Variants in EDC4 observed in about 807,000 individuals in gnomAD.
EDC4 encodes enhancer of mRNA decapping 4, also known as enhancer of mRNA-decapping protein 4.
EDC4 carries 64 observed loss-of-function variants against 155.8 expected under a neutral mutation model. The ratio of observed to expected loss-of-function variants is 0.41; its 90% confidence interval spans 0.34 to 0.51. The LOEUF is 0.51. Ranked by LOEUF, EDC4 falls within the 20% of genes least tolerant of loss-of-function variation. The probability of loss-of-function intolerance (pLI) is 0.19; values close to 1 mark genes in which losing one functional copy is unlikely to be tolerated. For missense variants in EDC4, 1,303 were observed against 1,812.5 expected (o/e 0.72, Z 5.10); for synonymous variants, 684 against 716.8 (o/e 0.95, Z 0.73).
At position 67,883,036 on chromosome 16, in the gene EDC4, C is replaced by T. The variant is rs144428519; in HGVS notation, c.3708C>T (p.Ala1236=). 739 of 1,613,764 alleles carry T rather than the reference C, an allele frequency of 4.6e-4. No individual in the cohort carries two copies. Among genetic ancestry groups the T allele is most frequent in the Middle Eastern group, 1.6e-3 (10 of 6,084 alleles). Residue 1236 remains alanine, a synonymous_variant, in exon 27 of 29, where the codon GCC becomes GCT. Transcript: ENST00000358933. This position sits in a 1 kb window ranked among gnomAD's most constrained non-coding sequence, Gnocchi z 5.3. ...EVSVALKEQQ[A]AVTSSIMQAM... ...GTGTGGCGCTCAAGGAGCAGCAGGC[C>T]GCCGTCACCTCCAGCATCATGCAGG...
rs371369902 is a variant in EDC4 at position 67,881,149 on chromosome 16, C to G, written c.2605C>G (p.Arg869Gly). The G allele has an allele frequency of 6.2e-7, 1 of 1,613,994 alleles. No homozygotes were observed. The highest frequency in any genetic ancestry group is 8.5e-7 in the Non-Finnish European group (1 of 1,180,032). ...HRPPYHLLQQ[R>G]DSQDASAEQS... is the part of the protein sequence containing the mutation. Reference sequence around the variant, plus strand: ...ACCACCATATCACCTGCTGCAGCAACGTGACAGCCAGGATGCCAGTGCTGA... The same window carrying G: ...ACCACCATATCACCTGCTGCAGCAAGGTGACAGCCAGGATGCCAGTGCTGA... Residue 869 changes from arginine to glycine, a missense_variant, in exon 19 of 29, where the codon CGT becomes GGT. Physicochemically the swap from Arg to Gly is moderately radical, Grantham distance 125. Coordinates refer to ENST00000358933, the MANE Select transcript of EDC4 (RefSeq NM_014329.5). This position sits in a 1 kb window ranked among gnomAD's most constrained non-coding sequence, Gnocchi z 5.4.
rs2058076612 is a variant in EDC4, at chr16:67,883,038, C to T, written c.3710C>T (p.Ala1237Val). 6.2e-7 allele frequency: 1 copy of T among 1,613,856 alleles called. No homozygotes were observed. The highest frequency in any genetic ancestry group is 8.5e-7 in the Non-Finnish European group (1 of 1,180,024). The change falls in exon 27 of 29, where the codon GCC becomes GTC. Residue 1237 changes from alanine to valine, a missense_variant. By Grantham distance (64) the Ala-to-Val change is moderately conservative (BLOSUM62 0). This residue lies in a region of EDC4 where 527 missense variants were observed against 757.0 expected (regional missense o/e 0.70). Coordinates refer to ENST00000358933, the MANE Select transcript of EDC4 (RefSeq NM_014329.5). The surrounding 1 kb of genome is among the most constrained non-coding windows in gnomAD (Gnocchi z 5.3). ...GTGGCGCTCAAGGAGCAGCAGGCCG[C>T]CGTCACCTCCAGCATCATGCAGGCC... Reference protein sequence around the residue: ...VSVALKEQQAAVTSSIMQAMR... With the variant: ...VSVALKEQQAVVTSSIMQAMR...
rs896766347 is a variant in EDC4 at position 67,883,356 on chromosome 16, A to G, written c.3849+179A>G. The G allele has an allele frequency of 4.0e-5, 51 of 1,289,058 alleles. No individual in the cohort carries two copies. Among genetic ancestry groups the G allele is most frequent in the Non-Finnish European group, 5.1e-5 (48 of 944,666 alleles). The allele number at this position is 1,289,058 out of a possible 1,614,324, so 79.9% of individuals were successfully genotyped here. On this transcript the variant is annotated intron_variant, in intron 27 of 28. Coordinates refer to ENST00000358933, the MANE Select transcript of EDC4 (RefSeq NM_014329.5). The surrounding 1 kb of genome is among the most constrained non-coding windows in gnomAD (Gnocchi z 5.3). ...CCTCTTCCTGGACCCCTTTCTTCCC[A>G]CCTAGCCCACCTTGCTTTACAACTA... is the stretch of plus-strand genomic sequence containing the variant.
rs372445523 is a variant in EDC4 at position 67,878,476 on chromosome 16, C to G, written c.1088+33C>G. On this transcript the variant is annotated intron_variant, in intron 9 of 28. Transcript: ENST00000358933. This position sits in a 1 kb window ranked among gnomAD's most constrained non-coding sequence, Gnocchi z 5.2. ...AGTGGGCAGCCTAGTGGGTGGTGGG[C>G]TGGACCATGGCTCCCAGCAGGGGCC... The G allele has an allele frequency of 8.7e-6, 14 of 1,614,076 alleles. No individual in the cohort carries two copies. Among genetic ancestry groups the G allele is most frequent in the Non-Finnish European group, 1.2e-5 (14 of 1,180,034 alleles).
rs1240163518 is a variant in EDC4 at position 67,883,145 on chromosome 16, C to T, written c.3817C>T (p.Gln1273Ter). The change falls in exon 27 of 29, where the codon CAG (glutamine) becomes TAG (stop). Residue 1273 changes from glutamine (Q) to a stop codon, truncating the protein, a stop_gained. Transcript: ENST00000358933. LOFTEE classifies it high-confidence loss of function. This position sits in a 1 kb window ranked among gnomAD's most constrained non-coding sequence, Gnocchi z 5.3. ...AQQAHILQLL[Q>*]QGHLNQAFQQ... ...GCAAGCCCATATCCTGCAGCTGCTGCAGCAGGGCCACCTCAATCAGGCCTT... is the reference window on the plus strand; with the variant it reads ...GCAAGCCCATATCCTGCAGCTGCTGTAGCAGGGCCACCTCAATCAGGCCTT... 6.3e-7 allele frequency: 1 copy of T among 1,597,456 alleles called. No homozygotes were observed. Among genetic ancestry groups the T allele is most frequent in the Non-Finnish European group, 8.5e-7 (1 of 1,173,044 alleles).
rs1373584682 is a variant in EDC4 at position 67,882,331 on chromosome 16, C to T, written c.3276+4C>T. 6.2e-7 allele frequency: 1 copy of T among 1,613,800 alleles called. No homozygotes were observed. The highest frequency in any genetic ancestry group is 1.3e-5 in the African/African-American group (1 of 75,060). On this transcript the variant is annotated splice_donor_region_variant and intron_variant, in intron 24 of 28. Transcript: ENST00000358933. This position sits in a 1 kb window ranked among gnomAD's most constrained non-coding sequence, Gnocchi z 7.2. ...CTCCAAGCTGCTCAAGTCCAAGGTG[C>T]TATAGGGCCCAAGATGTGGGTGGAG... is the stretch of plus-strand genomic sequence containing the variant.
chr16:67,881,861 G>A lies in EDC4; in HGVS notation c.3004+16G>A, dbSNP rs773450127. 24 of 1,609,870 alleles carry A rather than the reference G, an allele frequency of 1.5e-5. No homozygotes were observed. The African/African-American group carries it at 3.2e-4, about 21-fold the overall frequency. Reference sequence around the variant, plus strand: ...GAGCAGGAACGTATCCTTGAGACTGGTAGCACAACATGGCATAGGGACGGG... The same window carrying A: ...GAGCAGGAACGTATCCTTGAGACTGATAGCACAACATGGCATAGGGACGGG... On this transcript the variant is annotated intron_variant, in intron 22 of 28. Transcript: ENST00000358933. The surrounding 1 kb of genome is among the most constrained non-coding windows in gnomAD (Gnocchi z 5.4).
At position 67,875,932 on chromosome 16, in the gene EDC4, T is replaced by C. The variant is rs374649598; in HGVS notation, c.83-13T>C. On this transcript the variant is annotated splice_polypyrimidine_tract_variant and intron_variant, in intron 1 of 28. Coordinates refer to ENST00000358933, the MANE Select transcript of EDC4 (RefSeq NM_014329.5). Reference sequence around the variant, plus strand: ...TCGAGCAACCTTATCAGAATGACCCTCTTTGTCCCCAGGCCCCAGTGCAGA... The same window carrying C: ...TCGAGCAACCTTATCAGAATGACCCCCTTTGTCCCCAGGCCCCAGTGCAGA... 1.1e-4 allele frequency: 184 copies of C among 1,610,688 alleles called. No individual in the cohort carries two copies. Among genetic ancestry groups the C allele is most frequent in the Non-Finnish European group, 1.5e-4 (179 of 1,178,468 alleles).
Position 67,876,469 on chromosome 16 carries a change from T to G in EDC4, c.240-19T>G. The stretch of plus-strand genomic sequence containing the variant: ...CTTTGGGTGAACAAGAGGCAAAGTT[T>G]TTGCACTCTTCCCCACAGCTGTCTC... On this transcript the variant is annotated intron_variant, in intron 2 of 28. Coordinates refer to ENST00000358933, the MANE Select transcript of EDC4 (RefSeq NM_014329.5). The surrounding 1 kb of genome is among the most constrained non-coding windows in gnomAD (Gnocchi z 5.8). The G allele has an allele frequency of 6.2e-7, 1 of 1,612,730 alleles. No homozygotes were observed. Among genetic ancestry groups the G allele is most frequent in the Non-Finnish European group, 8.5e-7 (1 of 1,179,340 alleles).
At position 67,884,275 on chromosome 16, in the gene EDC4, G is replaced by GCTCCCTGCTCCCT; in HGVS notation, c.*127_*128insCTCCCTGCTCCCT. 2.2e-6 allele frequency: 2 copies of GCTCCCTGCTCCCT among 889,542 alleles called. No homozygotes were observed. Among genetic ancestry groups the GCTCCCTGCTCCCT allele is most frequent in the Non-Finnish European group, 3.3e-6 (2 of 603,062 alleles). The allele number at this position is 889,542 out of a possible 1,614,324, so 55.1% of individuals were successfully genotyped here. On this transcript the variant is annotated 3_prime_UTR_variant, in exon 29 of 29. Transcript: ENST00000358933. This position sits in a 1 kb window ranked among gnomAD's most constrained non-coding sequence, Gnocchi z 4.1. Reference sequence around the variant, plus strand: ...CATCTCTGGGGTGTTTGGGGGTCAGGGAGCAGGGAGCACTGGCCGTGGTCT... The same window carrying GCTCCCTGCTCCCT: ...CATCTCTGGGGTGTTTGGGGGTCAGGCTCCCTGCTCCCTGAGCAGGGAGCACTGGCCGTGGTCT...
chr16:67,875,829 C>G, intron 1 of EDC4, 116 bp from the exon 2 acceptor site: 2 of 1,504,278 alleles, frequency 1.3e-6, no homozygotes, highest in Non-Finnish European at 8.8e-7. Context: ...CATGGACATG[C>G]TTTGCTCAGT....
Position 67,880,990 on chromosome 16 carries a change from G to C in EDC4, c.2531G>C (p.Ser844Thr). 1 of 1,613,570 alleles carries C rather than the reference G, an allele frequency of 6.2e-7. No homozygotes were observed. ...GAGACCTGCAGCACCCTGGCAGAAAGGTGAGGAGCTTGGGAGGGGAAAAGT... is the reference window on the plus strand; with the variant it reads ...GAGACCTGCAGCACCCTGGCAGAAACGTGAGGAGCTTGGGAGGGGAAAAGT... ...TRETCSTLAE[S>T]PRNGLQEKHK... is the part of the protein sequence containing the mutation. Residue 844 changes from serine (S) to threonine (T), a missense_variant and splice_region_variant, in exon 18 of 29, where the codon AGC becomes ACC. By Grantham distance (58) the Ser-to-Thr change is moderately conservative. Coordinates refer to ENST00000358933, the MANE Select transcript of EDC4 (RefSeq NM_014329.5). This position sits in a 1 kb window ranked among gnomAD's most constrained non-coding sequence, Gnocchi z 5.2.
rs765959323 is a variant in EDC4, at chr16:67,881,471, C to T, written c.2790-26C>T. The T allele has an allele frequency of 2.5e-6, 4 of 1,614,162 alleles. No homozygotes were observed. In the South Asian group the frequency reaches 3.3e-5, roughly 13 times the overall value. ...GTGGTCTCTAGGCTGCCTCACATAG[C>T]CTGAGGTGCTTCTCGCCTATGGCAG... On this transcript the variant is annotated intron_variant, in intron 20 of 28. Coordinates refer to ENST00000358933, the MANE Select transcript of EDC4 (RefSeq NM_014329.5). This position sits in a 1 kb window ranked among gnomAD's most constrained non-coding sequence, Gnocchi z 5.4.
Position 67,878,002 on chromosome 16 carries a change from C to G in EDC4, c.894+157C>G. 3 of 1,477,774 alleles carry G rather than the reference C, an allele frequency of 2.0e-6. No homozygotes were observed. Among genetic ancestry groups the G allele is most frequent in the African/African-American group, 1.4e-5 (1 of 71,630 alleles). The allele number at this position is 1,477,774 out of a possible 1,614,324, so 91.5% of individuals were successfully genotyped here. On this transcript the variant is annotated intron_variant, in intron 7 of 28. Coordinates refer to ENST00000358933, the MANE Select transcript of EDC4 (RefSeq NM_014329.5). The surrounding 1 kb of genome is among the most constrained non-coding windows in gnomAD (Gnocchi z 5.2). ...CTCACCTGTGCAGCTTTCTCCTTAT[C>G]TAGCAGCACCCTGCAGGTCTGGCCT...
In EDC4 at chr16:67,881,324, T is replaced by G. The variant is rs1187917242; in HGVS notation, c.2696T>G (p.Val899Gly). Residue 899 changes from valine to glycine, a missense_variant, in exon 20 of 29, where the codon GTT (valine) becomes GGT (glycine). By Grantham distance (109) the Val-to-Gly change is moderately radical. Around this residue, in one of 5 missense-constraint regions of EDC4, gnomAD observed 527 missense variants for 757.0 expected, o/e 0.70. Transcript: ENST00000358933. The surrounding 1 kb of genome is among the most constrained non-coding windows in gnomAD (Gnocchi z 5.4). ...ASASGGFGTK[V>G]PAPRLPAKDW... ...GCTTCAGGAGGCTTTGGCACCAAAG[T>G]TCCTGCTCCACGGCTGCCTGCCAAG... 3 of 1,614,118 alleles carry G rather than the reference T, an allele frequency of 1.9e-6. No individual in the cohort carries two copies. The South Asian group carries it at 3.3e-5, about 18-fold the overall frequency.
chr16:67,877,108 A>G lies in EDC4; in HGVS notation c.452-109A>G. 6.5e-7 allele frequency: 1 copy of G among 1,534,168 alleles called. No individual in the cohort carries two copies. Among genetic ancestry groups the G allele is most frequent in the Non-Finnish European group, 8.8e-7 (1 of 1,139,732 alleles). On this transcript the variant is annotated intron_variant, in intron 4 of 28. Transcript: ENST00000358933. This position sits in a 1 kb window ranked among gnomAD's most constrained non-coding sequence, Gnocchi z 4.9. ...TGCCTCTTGGGGAGCTGGGTGGGAA[A>G]ACCAAGCTTGAGACTCTGGTGGTGG... is the stretch of plus-strand genomic sequence containing the variant.
Position 67,878,498 on chromosome 16 carries a change from G to A in EDC4, c.1089-38G>A, listed in dbSNP as rs375457891. The A allele has an allele frequency of 5.5e-5, 88 of 1,614,162 alleles. No homozygotes were observed. The African/African-American group carries it at 9.5e-4, about 17-fold the overall frequency. On this transcript the variant is annotated intron_variant, in intron 9 of 28. Coordinates refer to ENST00000358933, the MANE Select transcript of EDC4 (RefSeq NM_014329.5). This position sits in a 1 kb window ranked among gnomAD's most constrained non-coding sequence, Gnocchi z 5.2. ...GGGCTGGACCATGGCTCCCAGCAGG[G>A]GCCCCAGCCAGTCACTCACTGCCTT...
rs374187596 is a variant in EDC4 at position 67,881,816 on chromosome 16, G to A, written c.2975G>A (p.Arg992His). 5.0e-6 allele frequency: 8 copies of A among 1,613,678 alleles called. No homozygotes were observed. The highest frequency in any genetic ancestry group is 5.9e-6 in the Non-Finnish European group (7 of 1,179,728). Residue 992 changes from arginine (R) to histidine (H), a missense_variant, in exon 22 of 29, where the codon CGT (arginine) becomes CAT (histidine). Coordinates refer to ENST00000358933, the MANE Select transcript of EDC4 (RefSeq NM_014329.5). The surrounding 1 kb of genome is among the most constrained non-coding windows in gnomAD (Gnocchi z 5.4). ...LQSTVTGHVE[R>H]ALETRHEQEQ... The stretch of plus-strand genomic sequence containing the variant: ...AGCACAGTCACAGGCCACGTAGAAC[G>A]TGCCCTTGAGACTCGGCACGAGCAG...
rs768747829 is a variant in EDC4, at chr16:67,876,898, A to G, written c.377A>G (p.Tyr126Cys). Residue 126 changes from tyrosine to cysteine, a missense_variant, in exon 4 of 29, where the codon TAT becomes TGT. Physicochemically the swap from Tyr to Cys is radical, Grantham distance 194. Around this residue, in one of 5 missense-constraint regions of EDC4, gnomAD observed 51 missense variants for 121.1 expected, o/e 0.42. Transcript: ENST00000358933. This position sits in a 1 kb window ranked among gnomAD's most constrained non-coding sequence, Gnocchi z 5.8. ...NKVKIQPVAK[Y>C]DWEQKYYYGN... Reference sequence around the variant, plus strand: ...GTGAAAATTCAGCCTGTCGCCAAGTATGACTGGGAACAGAAGTACTACTAT... The same window carrying G: ...GTGAAAATTCAGCCTGTCGCCAAGTGTGACTGGGAACAGAAGTACTACTAT... 1 of 1,614,224 alleles carries G rather than the reference A, an allele frequency of 6.2e-7. No individual in the cohort carries two copies. Among genetic ancestry groups the G allele is most frequent in the Non-Finnish European group, 8.5e-7 (1 of 1,180,016 alleles).
Sources: gnomAD v4.1 joint callset for allele counts on GRCh38, gnomAD v4.1.1 for gene constraint, gnomAD v4.1.1 regional missense constraint, Gnocchi (gnomAD v3.1) non-coding constraint, MANE v1.5 for transcripts, NCBI Gene and HGNC (gene_info 2026-07-23, HGNC 2026-07-21) for gene names.